The following GVQW3 variants were observed in gnomAD, a reference collection of about 807,000 sequenced individuals.
The protein encoded by GVQW3 is protein GVQW3.
In GVQW3, 7 loss-of-function variants were observed where a neutral mutation model predicts 12.5. The ratio of observed to expected loss-of-function variants is 0.56; its 90% CI spans 0.32 to 1.05. The LOEUF (loss-of-function observed/expected upper bound fraction) is 1.05, where lower values mean the gene tolerates loss of function less well. GVQW3 is among the 50% of genes least tolerant of loss of function. GVQW3 has a pLI of 0.04. For synonymous variants in GVQW3, 71 were observed against 67.2 expected (o/e 1.06, Z -0.28); for missense variants, 188 against 190.8 (o/e 0.99, Z 0.09).
At chr11:76,414,252 T>C (rs767184329) in exon 2 of GVQW3, 1 of 152,190 alleles carries the variant, frequency 6.6e-6, no homozygotes, top group African/African-American at 2.4e-5. Flanking sequence ...AGATACCCTC[T>C]CACCTTAGAG....
intron 1 of GVQW3, 125 bp downstream of exon 1, chr11:76,382,418 G>C (rs1205778214): frequency 1.4e-6 from 1 of 723,698 alleles, no homozygotes; most frequent in Non-Finnish European, 2.5e-6. Context: ...TCTTCAACAA[G>C]CCTTCCCCCC....
rs1947046192 is a variant in GVQW3, at chr11:76,406,981, C to G, written c.*3223C>G. The G allele has an allele frequency of 6.6e-6, 1 of 151,974 alleles. No homozygotes were observed. 9.4% of individuals were successfully genotyped at this position (151,974 alleles called of 1,614,324 possible). A position where few individuals can be genotyped will look rare whatever the true frequency, so the allele number is the denominator to read the frequency against. On this transcript the variant is annotated 3_prime_UTR_variant, in exon 2 of 2. Coordinates refer to ENST00000529331, the MANE Select transcript of GVQW3 (RefSeq NM_001347885.2). ...CAAGGTCACACCACTGCACTCCAGC[C>G]TGGGCTACAGAGCGAGACTCTGTCT...
Position 76,384,408 on chromosome 11 carries a change from C to T in GVQW3, c.465+2115C>T, listed in dbSNP as rs140066562. On this transcript the variant is annotated intron_variant, in intron 1 of 1. Transcript: ENST00000529331. ...CACGATCTCAGCTCACTACAACCTC[C>T]GCCTCCCAGGTTCAAGTGTTTCTCC... Among the ~76,000 whole-genome samples, 159 of 152,284 alleles carry T rather than the reference C, an allele frequency of 1.0e-3. 2 individuals carry two copies. The East Asian group carries it at 0.029, about 28-fold the overall frequency.
chr11:76,387,888 A>G (rs1455672652), intron 1 of GVQW3, among the ~76,000 whole-genome samples: 1 of 152,216 alleles, frequency 6.6e-6, no homozygotes, highest in Non-Finnish European at 1.5e-5. Context: ...GTGCTACTGC[A>G]CTACAGCCTA....
intron 1 of GVQW3, among the ~76,000 whole-genome samples, chr11:76,398,134 C>CAAAA (rs58006104): frequency 2.5e-4 from 27 of 108,094 alleles, no homozygotes; most frequent in Non-Finnish European, 4.8e-4. Context: ...GACTGTGTCT[C>CAAAA]AAAAAAAAAA....
chr11:76,397,302 C>T (rs1361610242), intron 1 of GVQW3, among the ~76,000 whole-genome samples: 1 of 148,362 alleles, frequency 6.7e-6, no homozygotes, highest in Non-Finnish European at 1.5e-5. Context: ...ACACTCAGCC[C>T]CTTCATTCCT....
At chr11:76,389,605 C>G (rs1409183988) in intron 1 of GVQW3, 1 of 152,108 alleles carries the variant, frequency 6.6e-6, no homozygotes, top group African/African-American at 2.4e-5. Flanking sequence ...AGTCGTAGGT[C>G]GGTAAAAGAC....
At chr11:76,388,288 A>AAT (rs913991756) in intron 1 of GVQW3, among the ~76,000 whole-genome samples, 2 of 152,172 alleles carry the variant, frequency 1.3e-5, no homozygotes, top group African/African-American at 4.8e-5. Context: ...CATGCTTGCA[A>AAT]ATATATATAT....
At chr11:76,387,391 C>G (rs548630730) in intron 1 of GVQW3, among the ~76,000 whole-genome samples, 2 of 151,964 alleles carry the variant, frequency 1.3e-5, no homozygotes, top group East Asian at 3.9e-4. Flanking sequence ...GATCTTGCCA[C>G]TACTCCAGCC....
chr11:76,412,971 T>C (rs567678453), downstream of GVQW3: 38 of 152,374 alleles, frequency 2.5e-4, no homozygotes, highest in African/African-American at 9.1e-4. Flanking sequence ...GCAGCTGAAC[T>C]CAAGGCATGG....
intron 1 of GVQW3, among the ~76,000 whole-genome samples, chr11:76,402,630 C>T (rs887339131): frequency 2.6e-5 from 4 of 152,156 alleles, no homozygotes; most frequent in Admixed American, 2.6e-4. Flanking sequence ...ATGTGAGACC[C>T]ATCTTCATTA....
At chr11:76,393,125 A>G (rs1221239109) in intron 1 of GVQW3, among the ~76,000 whole-genome samples, 1 of 152,252 alleles carries the variant, frequency 6.6e-6, no homozygotes, top group Admixed American at 6.5e-5. Context: ...AAGAAGCCCA[A>G]GGAAAAGGGA....
At position 76,406,849 on chromosome 11, in the gene GVQW3, A is replaced by C. The variant is rs1392730933; in HGVS notation, c.*3091A>C. 6.6e-6 allele frequency: 1 copy of C among 152,132 alleles called. No individual in the cohort carries two copies. Among genetic ancestry groups the C allele is most frequent in the African/African-American group, 2.4e-5 (1 of 41,404 alleles). The allele number at this position is 152,132 out of a possible 1,614,324, so 9.4% of individuals were successfully genotyped here. ...CAGTGAAACCCCGTCTCTACCAAAA[A>C]TACAAAAAATTAGCTGGGAGTGGTG... On this transcript the variant is annotated 3_prime_UTR_variant, in exon 2 of 2. Transcript: ENST00000529331.
intron 1 of GVQW3, among the ~76,000 whole-genome samples, chr11:76,400,016 C>A (rs113747162): frequency 1.2e-3 from 173 of 146,130 alleles, no homozygotes; most frequent in African/African-American, 4.3e-3. Flanking sequence ...TACACACACA[C>A]ACACACACAC....
downstream of GVQW3, chr11:76,411,113 A>G (rs915406397): frequency 6.6e-6 from 1 of 152,316 alleles, no homozygotes; most frequent in Non-Finnish European, 1.5e-5. Flanking sequence ...GGAGCCAGGC[A>G]CATAGGAGCT....
intron 1 of GVQW3, among the ~76,000 whole-genome samples, chr11:76,401,733 A>G (rs1355317452): frequency 1.4e-5 from 2 of 146,162 alleles, no homozygotes; most frequent in Non-Finnish European, 3.0e-5. Context: ...AGATTGCACC[A>G]TTGCACTCCA....
intron 1 of GVQW3, among the ~76,000 whole-genome samples, chr11:76,390,430 T>A (rs1946880260): frequency 6.6e-6 from 1 of 152,228 alleles, no homozygotes; most frequent in Non-Finnish European, 1.5e-5. Context: ...TCAACAATAT[T>A]TATTGAGTGC....
intron 1 of GVQW3, among the ~76,000 whole-genome samples, chr11:76,385,676 G>A (rs529228931): frequency 3.2e-4 from 49 of 152,144 alleles, no homozygotes; most frequent in Middle Eastern, 3.4e-3. Context: ...TCAGCTCCCC[G>A]CTTCAGCTGC....
At chr11:76,386,534 CTAT>C (rs1946836130) in intron 1 of GVQW3, among the ~76,000 whole-genome samples, 1 of 152,146 alleles carries the variant, frequency 6.6e-6, no homozygotes, top group African/African-American at 2.4e-5. Context: ...GAATGGGGTA[CTAT>C]TGGGGAATTG....
Sources: gnomAD v4.1 joint callset for allele counts (sites outside exome capture counted in the v4.1 genomes callset) on GRCh38, gnomAD v4.1.1 for gene constraint, MANE v1.5 for transcripts, NCBI Gene and HGNC (gene_info 2026-07-23, HGNC 2026-07-21) for gene names.